The following ERBB4 variants were observed in gnomAD, a reference collection of about 807,000 sequenced individuals.
The protein encoded by ERBB4 is erb-b2 receptor tyrosine kinase 4.
Under a neutral mutation model 158.0 loss-of-function variants are expected in ERBB4, and 42 were observed. The observed-to-expected ratio is 0.27, with a 90% CI of 0.21 to 0.34. The LOEUF (loss-of-function observed/expected upper bound fraction) is 0.34. Among genes scored for constraint, ERBB4 ranks in the 10% least tolerant of loss-of-function variants. The pLI is 1.00. For synonymous variants in ERBB4, 583 were observed against 558.7 expected (o/e 1.04, Z -0.61); for missense variants, 1,333 against 1,624.1 (o/e 0.82, Z 3.08).
At chr2:212,238,653 A>G (rs891431673) in intron 1 of ERBB4, among the ~76,000 whole-genome samples, 5 of 152,324 alleles carry the variant, frequency 3.3e-5, no homozygotes, top group Admixed American at 6.5e-5. Flanking sequence ...TTCCAAAGAG[A>G]ATATGGGGCT....
chr2:211,594,090 G>T (rs1334435718), intron 19 of ERBB4, among the ~76,000 whole-genome samples: 1 of 151,894 alleles, frequency 6.6e-6, no homozygotes, highest in African/African-American at 2.4e-5. Context: ...ATTCCATCGA[G>T]GCATATCCTT....
At chr2:212,008,478 T>A (rs1031098127) in intron 2 of ERBB4, among the ~76,000 whole-genome samples, 1 of 152,092 alleles carries the variant, frequency 6.6e-6, no homozygotes, top group Admixed American at 6.6e-5. Flanking sequence ...TCCTAGTAGG[T>A]TGTTTAATGC....
rs73987389 is a variant in ERBB4, at chr2:212,354,018, T to C, written c.82+184431A>G. Among the ~76,000 whole-genome samples, 880 of 152,230 alleles carry C rather than the reference T, an allele frequency of 5.8e-3. 10 individuals are homozygous for C. Among genetic ancestry groups the C allele is most frequent in the African/African-American group, 0.02 (826 of 41,560 alleles). ...ACTGAACATTTCAATGAGTGAAAAATAAACCTGTGCTGTGTTAAGCTTCTG... is the reference window on the plus strand; with the variant it reads ...ACTGAACATTTCAATGAGTGAAAAACAAACCTGTGCTGTGTTAAGCTTCTG... On this transcript the variant is annotated intron_variant, in intron 1 of 27. Transcript: ENST00000342788.
At chr2:212,073,824 T>C (rs1349638094) in intron 2 of ERBB4, among the ~76,000 whole-genome samples, 2 of 152,026 alleles carry the variant, frequency 1.3e-5, no homozygotes, top group South Asian at 4.1e-4. Flanking sequence ...TTTTTTACAT[T>C]CAACAAGATT....
chr2:211,861,128 AT>A (rs1371030841), intron 3 of ERBB4, among the ~76,000 whole-genome samples: 6 of 25,460 alleles, frequency 2.4e-4, no homozygotes, highest in Non-Finnish European at 3.2e-4. Context: ...TATATTTTAT[AT>A]ATATATATAT....
intron 2 of ERBB4, among the ~76,000 whole-genome samples, chr2:212,069,398 G>T (rs2078042314): frequency 6.6e-6 from 1 of 151,928 alleles, no homozygotes. Flanking sequence ...AATGAACTAG[G>T]ATTAGAGTGA....
chr2:212,232,687 C>G (rs1405580664), intron 1 of ERBB4, among the ~76,000 whole-genome samples: 5 of 152,088 alleles, frequency 3.3e-5, no homozygotes, highest in Non-Finnish European at 5.9e-5. Flanking sequence ...GGATTACAGG[C>G]GTGAGCCACC....
chr2:211,982,959 A>G (rs1282863170), intron 2 of ERBB4, among the ~76,000 whole-genome samples: 1 of 152,198 alleles, frequency 6.6e-6, no homozygotes, highest in East Asian at 1.9e-4. Flanking sequence ...AGCATCTTAC[A>G]TTACAAAACA....
intron 2 of ERBB4, among the ~76,000 whole-genome samples, chr2:212,040,752 T>C (rs1331198317): frequency 6.6e-6 from 1 of 152,132 alleles, no homozygotes; most frequent in African/African-American, 2.4e-5. Context: ...AGGCTGTTTG[T>C]GACCTGCTCT....
chr2:212,200,494 A>G (rs953518918), intron 1 of ERBB4, among the ~76,000 whole-genome samples: 4 of 150,774 alleles, frequency 2.7e-5, no homozygotes, highest in African/African-American at 9.7e-5. Flanking sequence ...AGCTGTATTA[A>G]TTAAAGTTAA....
chr2:212,154,375 T>G (rs1043221800), intron 1 of ERBB4, among the ~76,000 whole-genome samples: 1 of 152,160 alleles, frequency 6.6e-6, no homozygotes, highest in Non-Finnish European at 1.5e-5. Context: ...GGGGATTTTA[T>G]CTACAAATGG....
At chr2:212,495,703 T>C (rs1188980345) in intron 1 of ERBB4, among the ~76,000 whole-genome samples, 1 of 152,178 alleles carries the variant, frequency 6.6e-6, no homozygotes, top group Non-Finnish European at 1.5e-5. Flanking sequence ...TCAGGAAAGA[T>C]CAGCTCCAGA....
chr2:212,164,280 A>T (rs1345106858), intron 1 of ERBB4, among the ~76,000 whole-genome samples: 1 of 130,082 alleles, frequency 7.7e-6, no homozygotes, highest in East Asian at 2.0e-4. Flanking sequence ...CAGATTTCAA[A>T]GACGTATGAT....
intron 25 of ERBB4, among the ~76,000 whole-genome samples, chr2:211,406,296 T>C (rs2063146445): frequency 6.6e-6 from 1 of 152,166 alleles, no homozygotes; most frequent in South Asian, 2.1e-4. Context: ...TTCAGATATA[T>C]AGTAGATACC....
intron 16 of ERBB4, among the ~76,000 whole-genome samples, chr2:211,645,738 A>T (rs1323618563): frequency 6.6e-6 from 1 of 151,704 alleles, no homozygotes; most frequent in Admixed American, 6.6e-5. Context: ...GATCTGTTAC[A>T]AATTTATGTA....
chr2:212,096,018 G>A (rs2078923129), intron 2 of ERBB4, among the ~76,000 whole-genome samples: 1 of 151,150 alleles, frequency 6.6e-6, no homozygotes. Context: ...AGAACCCAGA[G>A]CTATTTTCTA....
At chr2:212,151,747 G>A (rs1345262348) in intron 1 of ERBB4, among the ~76,000 whole-genome samples, 4 of 151,996 alleles carry the variant, frequency 2.6e-5, no homozygotes. Context: ...AAACCAGCTG[G>A]GCATGGTGGC....
chr2:212,335,431 T>C (rs1457995598), intron 1 of ERBB4, among the ~76,000 whole-genome samples: 1 of 151,914 alleles, frequency 6.6e-6, no homozygotes, highest in Non-Finnish European at 1.5e-5. Flanking sequence ...AAAAGAAAAT[T>C]AGGGTAATTT....
intron 1 of ERBB4, among the ~76,000 whole-genome samples, chr2:212,482,682 T>G (rs1689763548): frequency 1.3e-5 from 2 of 152,210 alleles, no homozygotes; most frequent in Admixed American, 1.3e-4. Flanking sequence ...AGTGGTGCTA[T>G]CTCAGCTCAC....
Sources: allele counts gnomAD v4.1 joint callset (sites outside exome capture counted in the v4.1 genomes callset), GRCh38; gene constraint gnomAD v4.1.1; transcripts MANE v1.5; gene names NCBI Gene and HGNC (gene_info 2026-07-23, HGNC 2026-07-21).